The following CD99L2 variants were observed in gnomAD, a reference collection of about 807,000 sequenced individuals.
The protein encoded by CD99L2 is CD99 molecule like 2, also known as CD99 antigen-like protein 2.
A neutral mutation model predicts 27.3 loss-of-function variants in CD99L2; 24 were observed. That is an observed-to-expected ratio of 0.88 (90% CI 0.64 to 1.24). The LOEUF (loss-of-function observed/expected upper bound fraction) is 1.24, where lower values mean the gene tolerates loss of function less well. Among genes scored for constraint, CD99L2 ranks in the 50% most tolerant of loss-of-function variants. CD99L2 has a pLI of 0.00. For synonymous variants in CD99L2, 97 were observed against 87.9 expected, an observed-to-expected ratio of 1.10 and a Z score of -0.58; for missense variants, 255 against 221.6, an observed-to-expected ratio of 1.15 and a Z score of -0.96.
At chrX:150,891,768 G>A (rs1266122852) in intron 1 of CD99L2, among the ~76,000 whole-genome samples, 1 of 110,230 alleles carries the variant, frequency 9.1e-6, no homozygotes, top group Admixed American at 9.7e-5. Context: ...AGGTGTCTAC[G>A]ATGACGTTAA....
chrX:150,829,232 T>C, intron 2 of CD99L2: 1 of 180,745 alleles, frequency 5.5e-6, no homozygotes, highest in Non-Finnish European at 1.0e-5. Flanking sequence ...TCTATAAATA[T>C]ATATTTCCTT....
intron 1 of CD99L2, among the ~76,000 whole-genome samples, chrX:150,873,388 C>T (rs1017032417): frequency 5.4e-5 from 6 of 111,530 alleles, no homozygotes; most frequent in Non-Finnish European, 9.4e-5. Flanking sequence ...GAAGTAAATT[C>T]GTGGTTGCCC....
chrX:150,784,382 C>T (rs2045562403), intron 7 of CD99L2, among the ~76,000 whole-genome samples: 1 of 111,363 alleles, frequency 9.0e-6, no homozygotes, highest in African/African-American at 3.3e-5. Context: ...CCCTCAAGAG[C>T]AGGGCTTCTG....
Position 150,769,075 on chromosome X carries a change from ACT to A in CD99L2, c.746_747del (p.Gln249LeufsTer125), listed in dbSNP as rs782583199. 8.6e-7 allele frequency: 1 copy of A among 1,165,155 alleles called. No homozygotes were observed. The highest frequency in any genetic ancestry group is 2.9e-5 in the Admixed American group (1 of 34,657). On this transcript the variant is annotated frameshift_variant, in exon 11 of 11. Coordinates refer to ENST00000370377, the MANE Select transcript of CD99L2 (RefSeq NM_031462.4). LOFTEE classifies it high-confidence loss of function. Reference protein sequence around the residue: ...PQVKYSTLHTQSAEPPPPPEP... With the variant: ...PQVKYSTLHTXSAEPPPPPEP... Reference sequence around the variant, plus strand: ...TCGGGCGGCGGCGGCGGCTCTGCAGACTGCGTGTGCAACGTGGAGTATTTCAC... The same window carrying A: ...TCGGGCGGCGGCGGCGGCTCTGCAGAGCGTGTGCAACGTGGAGTATTTCAC...
At chrX:150,814,516 T>C (rs781917811) in intron 4 of CD99L2, among the ~76,000 whole-genome samples, 17 of 112,815 alleles carry the variant, frequency 1.5e-4, no homozygotes, top group Admixed American at 1.2e-3. Flanking sequence ...CTCCTCAATA[T>C]AAGTTTTTGT....
At chrX:150,845,107 C>T (rs1200709221) in intron 1 of CD99L2, among the ~76,000 whole-genome samples, 1 of 111,899 alleles carries the variant, frequency 8.9e-6, no homozygotes, top group Non-Finnish European at 1.9e-5. Context: ...TTCAATCTTC[C>T]TTTTCACACA....
chrX:150,769,333 A>G (rs2043371264), intron 10 of CD99L2, among the ~76,000 whole-genome samples: 1 of 111,983 alleles, frequency 8.9e-6, no homozygotes, highest in Non-Finnish European at 1.9e-5. Flanking sequence ...TCCTCACCTA[A>G]AAAATGAGCG....
At position 150,768,234 on chromosome X, in the gene CD99L2, C is replaced by T. The variant is rs1557418765; in HGVS notation, c.*800G>A. The T allele has an allele frequency of 1.8e-5, 2 of 112,023 alleles. No homozygotes were observed. The highest frequency in any genetic ancestry group is 9.4e-5 in the Admixed American group (1 of 10,640). The allele number at this position is 112,023 out of a possible 1,213,427, so 9.2% of individuals were successfully genotyped here. A position where few individuals can be genotyped will look rare whatever the true frequency, so the allele number is the denominator to read the frequency against. ...CCCAACACAGGATAAAACTCATCTCCGGTGCAGAAATGATTGCTAAAGACC... is the reference window on the plus strand; with the variant it reads ...CCCAACACAGGATAAAACTCATCTCTGGTGCAGAAATGATTGCTAAAGACC... On this transcript the variant is annotated 3_prime_UTR_variant, in exon 11 of 11. Transcript: ENST00000370377.
intron 4 of CD99L2, among the ~76,000 whole-genome samples, chrX:150,802,823 T>C (rs1424066124): frequency 4.0e-5 from 4 of 100,179 alleles, no homozygotes; most frequent in East Asian, 3.4e-4. Flanking sequence ...CCTCGTGATC[T>C]GCCCGCCTTG....
chrX:150,866,673 T>C (rs190801918), intron 1 of CD99L2, among the ~76,000 whole-genome samples: 128 of 112,610 alleles, frequency 1.1e-3, no homozygotes, highest in African/African-American at 3.6e-3. Flanking sequence ...AACAAGAATT[T>C]ATTGTATATT....
chrX:150,806,261 T>G (rs1201429311), intron 4 of CD99L2, among the ~76,000 whole-genome samples: 1 of 111,900 alleles, frequency 8.9e-6, no homozygotes, highest in African/African-American at 3.3e-5. Context: ...ATCAAGGTAA[T>G]TTCGTGTTTT....
Position 150,831,159 on chromosome X carries a change from T to C in CD99L2, c.130+72A>G, listed in dbSNP as rs1327373698. On this transcript the variant is annotated intron_variant, in intron 2 of 10. Transcript: ENST00000370377. ...TAAAATATATCATTTTTCTTGCGCA[T>C]ATATTCTGAGTGGATGATACACATT... is the stretch of plus-strand genomic sequence containing the variant. 3 of 834,762 alleles carry C rather than the reference T, an allele frequency of 3.6e-6. No homozygotes were observed. In the African/African-American group the frequency reaches 6.2e-5, roughly 17 times the overall value. The allele number at this position is 834,762 out of a possible 1,213,427, so 68.8% of individuals were successfully genotyped here. A position where few individuals can be genotyped will look rare whatever the true frequency, so the allele number is the denominator to read the frequency against.
chrX:150,897,709 A>C (rs1248408045), intron 1 of CD99L2, among the ~76,000 whole-genome samples: 2 of 112,019 alleles, frequency 1.8e-5, no homozygotes, highest in African/African-American at 6.5e-5. Context: ...CTGTTGGTAC[A>C]TGTTTAAGAC....
At chrX:150,809,687 A>G (rs781909624) in intron 4 of CD99L2, among the ~76,000 whole-genome samples, 4 of 111,880 alleles carry the variant, frequency 3.6e-5, no homozygotes, top group East Asian at 2.8e-4. Context: ...AAATAGTCCA[A>G]TGGGGTTCAA....
intron 1 of CD99L2, among the ~76,000 whole-genome samples, chrX:150,846,424 G>A (rs781965572): frequency 1.4e-4 from 15 of 110,680 alleles, no homozygotes; most frequent in Admixed American, 6.7e-4. Flanking sequence ...GACACCTTGC[G>A]CAAGGGACTT....
chrX:150,881,649 T>C (rs2047327232), intron 1 of CD99L2, among the ~76,000 whole-genome samples: 1 of 111,891 alleles, frequency 8.9e-6, no homozygotes, highest in African/African-American at 3.2e-5. Flanking sequence ...CCTTGCTGTA[T>C]TCTGGGGTGG....
At chrX:150,859,580 C>T (rs2046944157) in intron 1 of CD99L2, among the ~76,000 whole-genome samples, 1 of 107,943 alleles carries the variant, frequency 9.3e-6, no homozygotes, top group Non-Finnish European at 1.9e-5. Context: ...TCACTACAAT[C>T]TCCGCCTTCC....
intron 1 of CD99L2, among the ~76,000 whole-genome samples, chrX:150,839,858 G>C (rs1173878355): frequency 9.2e-6 from 1 of 109,171 alleles, no homozygotes; most frequent in African/African-American, 3.3e-5. Flanking sequence ...CACATAGTGA[G>C]ACCTCATCTC....
chrX:150,861,679 A>T (rs1228653738), intron 1 of CD99L2, among the ~76,000 whole-genome samples: 1 of 111,215 alleles, frequency 9.0e-6, no homozygotes, highest in Non-Finnish European at 1.9e-5. Context: ...GAGGCAGGCG[A>T]ATCACAAGGT....
Sources: allele counts gnomAD v4.1 joint callset (sites outside exome capture counted in the v4.1 genomes callset), GRCh38; gene constraint gnomAD v4.1.1; transcripts MANE v1.5; gene names NCBI Gene and HGNC (gene_info 2026-07-23, HGNC 2026-07-21).